The following PHACTR2 variants were observed in gnomAD, a reference collection of about 807,000 sequenced individuals.
The protein encoded by PHACTR2 is phosphatase and actin regulator 2.
A neutral mutation model predicts 76.0 loss-of-function variants in PHACTR2; 30 were observed. The observed-to-expected ratio is 0.39, with a 90% CI of 0.30 to 0.54. PHACTR2 has a LOEUF of 0.54. Among genes scored for constraint, PHACTR2 ranks in the 20% least tolerant of loss-of-function variants. The pLI, the probability that PHACTR2 is intolerant of heterozygous loss-of-function variation, is 0.61. For synonymous variants in PHACTR2, 292 were observed against 292.5 expected (o/e 1.00, Z 0.02); for missense variants, 696 against 781.1 (o/e 0.89, Z 1.30).
intron 2 of PHACTR2, among the ~76,000 whole-genome samples, chr6:143,729,820 T>A (rs534409589): frequency 2.0e-5 from 3 of 152,276 alleles, no homozygotes; most frequent in African/African-American, 7.2e-5. Flanking sequence ...TTCCATTCTT[T>A]AACAGTGTCT....
intron 1 of PHACTR2, among the ~76,000 whole-genome samples, chr6:143,563,231 G>T (rs1053323128): frequency 5.9e-5 from 9 of 152,094 alleles, no homozygotes; most frequent in African/African-American, 2.2e-4. Context: ...TAGTTCAAAA[G>T]TATGTAAACC....
At position 143,665,563 on chromosome 6, in the gene PHACTR2, C is replaced by T. The variant is rs189614153; in HGVS notation, c.14-46453C>T. Among the ~76,000 whole-genome samples, 142 of 152,256 alleles carry T rather than the reference C, an allele frequency of 9.3e-4. 1 individual carries two copies. The highest frequency in any genetic ancestry group is 3.2e-3 in the African/African-American group (131 of 41,544). On this transcript the variant is annotated intron_variant, in intron 1 of 11. Coordinates refer to the PHACTR2 transcript ENST00000305766. ...GAAAAAAATTTTGAAGTCTTCCTTC[C>T]ATCATCTTTTGTCTCCCACACCCCA... is the stretch of plus-strand genomic sequence containing the variant.
In PHACTR2 at chr6:143,826,945, A is replaced by G. The variant is rs1434480597; in HGVS notation, c.*3256A>G. The stretch of plus-strand genomic sequence containing the variant: ...AGTAGCATAATGAGAGTAGTCCTTT[A>G]TCTTTCTCTAATGTTAGTAAATATA... On this transcript the variant is annotated 3_prime_UTR_variant, in exon 13 of 13. Coordinates refer to ENST00000440869, the MANE Select transcript of PHACTR2 (RefSeq NM_001100164.2). The G allele has an allele frequency of 6.6e-6, 1 of 151,724 alleles. No individual in the cohort carries two copies. Among genetic ancestry groups the G allele is most frequent in the Non-Finnish European group, 1.5e-5 (1 of 67,924 alleles). 9.4% of individuals were successfully genotyped at this position (151,724 alleles called of 1,614,324 possible). A position where few individuals can be genotyped will look rare whatever the true frequency, so the allele number is the denominator to read the frequency against.
intron 1 of PHACTR2, among the ~76,000 whole-genome samples, chr6:143,555,715 G>A (rs1775164232): frequency 6.6e-6 from 1 of 151,946 alleles, no homozygotes; most frequent in South Asian, 2.1e-4. Context: ...TAATCACACA[G>A]TAGCCCCAGC....
rs1320562822 is a variant in PHACTR2 at position 143,750,723 on chromosome 6, T to A, written c.295+1658T>A. Among the ~76,000 whole-genome samples the A allele has an allele frequency of 6.6e-6, 1 of 152,236 alleles. No homozygotes were observed. Among genetic ancestry groups the A allele is most frequent in the Non-Finnish European group, 1.5e-5 (1 of 68,038 alleles). On this transcript the variant is annotated intron_variant, in intron 3 of 12. Transcript: ENST00000440869. This position sits in a 1 kb window ranked among gnomAD's most constrained non-coding sequence, Gnocchi z 4.6. The stretch of plus-strand genomic sequence containing the variant: ...TATTTGCCTCATAGATTATAATTTC[T>A]TGGGCCAACATATACTTCTCAGAAA...
chr6:143,588,840 CAG>C (rs748392787), intron 1 of PHACTR2, among the ~76,000 whole-genome samples: 1 of 152,106 alleles, frequency 6.6e-6, no homozygotes, highest in Non-Finnish European at 1.5e-5. Flanking sequence ...AATTTGAAAA[CAG>C]ATGAAATGTA....
In PHACTR2 at chr6:143,698,389, G is replaced by A. The variant is rs1393577765; in HGVS notation, c.47-13627G>A. On this transcript the variant is annotated intron_variant, in intron 1 of 12. Coordinates refer to ENST00000440869, the MANE Select transcript of PHACTR2 (RefSeq NM_001100164.2). The surrounding 1 kb of genome is among the most constrained non-coding windows in gnomAD (Gnocchi z 4.3). ...ATTATTTTTTTAAAAAGCAACTAGT[G>A]GAATTGTTTCTCTCAAGAGAATTAG... Among the ~76,000 whole-genome samples, 1 of 152,188 alleles carries A rather than the reference G, an allele frequency of 6.6e-6. No individual in the cohort carries two copies. Among genetic ancestry groups the A allele is most frequent in the Non-Finnish European group, 1.5e-5 (1 of 68,026 alleles).
chr6:143,773,140 G>A (rs1465299435), intron 7 of PHACTR2, among the ~76,000 whole-genome samples: 1 of 152,092 alleles, frequency 6.6e-6, no homozygotes, highest in Admixed American at 6.6e-5. Flanking sequence ...TTGAACCCAG[G>A]AGGCAGAAGT....
chr6:143,779,112 T>C (rs1415653222), intron 9 of PHACTR2, among the ~76,000 whole-genome samples: 1 of 152,174 alleles, frequency 6.6e-6, no homozygotes, highest in African/African-American at 2.4e-5. Flanking sequence ...CCCACTATTG[T>C]ACAGCCAAGG....
rs887258836 is a variant in PHACTR2 at position 143,787,933 on chromosome 6, C to G, written c.1708-840C>G. On this transcript the variant is annotated intron_variant, in intron 10 of 12. Transcript: ENST00000440869. This position sits in a 1 kb window ranked among gnomAD's most constrained non-coding sequence, Gnocchi z 4.6. ...GTGATACCACCCAACTAAGAAAGAC[C>G]AAAATGGGAGTGAACCTCCGTAGCA... is the stretch of plus-strand genomic sequence containing the variant. Among the ~76,000 whole-genome samples the G allele has an allele frequency of 2.0e-5, 3 of 152,104 alleles. No homozygotes were observed. Among genetic ancestry groups the G allele is most frequent in the Admixed American group, 2.0e-4 (3 of 15,270 alleles).
rs977938074 is a variant in PHACTR2, at chr6:143,598,076, G to A, written c.217+60869G>A. The stretch of plus-strand genomic sequence containing the variant: ...TAAGACAGTGATGATATAGTAGGTC[G>A]AAGAATGCCCCCCGCGCCCCCAAAA... On this transcript the variant is annotated intron_variant, in intron 1 of 11. Transcript: ENST00000367584. The surrounding 1 kb of genome is among the most constrained non-coding windows in gnomAD (Gnocchi z 4.1). Among the ~76,000 whole-genome samples the A allele has an allele frequency of 1.3e-4, 20 of 152,082 alleles. No individual in the cohort carries two copies. The highest frequency in any genetic ancestry group is 3.6e-4 in the African/African-American group (15 of 41,382).
chr6:143,794,121 C>G lies in PHACTR2; in HGVS notation c.1845+5211C>G, dbSNP rs1170754110. On this transcript the variant is annotated intron_variant, in intron 11 of 12. Coordinates refer to ENST00000440869, the MANE Select transcript of PHACTR2 (RefSeq NM_001100164.2). The surrounding 1 kb of genome is among the most constrained non-coding windows in gnomAD (Gnocchi z 4.1). ...TAATAATTTCTAAAAATACCATTTACTACCTAACACTGAAAAAAATTGTTC... is the reference window on the plus strand; with the variant it reads ...TAATAATTTCTAAAAATACCATTTAGTACCTAACACTGAAAAAAATTGTTC... Among the ~76,000 whole-genome samples the G allele has an allele frequency of 6.6e-6, 1 of 151,744 alleles. No homozygotes were observed. The highest frequency in any genetic ancestry group is 2.4e-5 in the African/African-American group (1 of 41,386).
rs556807783 is a variant in PHACTR2 at position 143,558,302 on chromosome 6, G to A, written c.217+21095G>A. ...AAATAATATTGTGGTTGTGTTTTAA[G>A]AAAGAGTTTTCCCCTATTTACATGT... On this transcript the variant is annotated intron_variant, in intron 1 of 11. Transcript: ENST00000367584. The surrounding 1 kb of genome is among the most constrained non-coding windows in gnomAD (Gnocchi z 4.7). 6.6e-6 allele frequency among the ~76,000 whole-genome samples: 1 copy of A among 152,158 alleles called. No homozygotes were observed. Among genetic ancestry groups the A allele is most frequent in the East Asian group, 2.0e-4 (1 of 5,104 alleles).
rs190384295 is a variant in PHACTR2 at position 143,666,530 on chromosome 6, C to T, written c.14-45486C>T. 2.1e-3 allele frequency among the ~76,000 whole-genome samples: 322 copies of T among 152,312 alleles called. 5 individuals carry two copies. The highest frequency in any genetic ancestry group is 1.5e-3 in the Non-Finnish European group (101 of 68,024). ...GCATTCCCATGTTTCCACAACCTCT[C>T]CAGCATCAGTTGTTTCCTGACTTTT... On this transcript the variant is annotated intron_variant, in intron 1 of 11. Coordinates refer to the PHACTR2 transcript ENST00000305766.
Position 143,742,677 on chromosome 6 carries a change from G to A in PHACTR2, c.215-6308G>A, listed in dbSNP as rs1697638083. Among the ~76,000 whole-genome samples the A allele has an allele frequency of 6.6e-6, 1 of 152,152 alleles. No individual in the cohort carries two copies. Among genetic ancestry groups the A allele is most frequent in the South Asian group, 2.1e-4 (1 of 4,830 alleles). On this transcript the variant is annotated intron_variant, in intron 2 of 12. Transcript: ENST00000440869. The surrounding 1 kb of genome is among the most constrained non-coding windows in gnomAD (Gnocchi z 4.5). ...CTTCCCAAAGGAAAAATGTCAGGAA[G>A]GCCATTTCTAAAAGAAGTAGAAGAG...
At position 143,780,989 on chromosome 6, in the gene PHACTR2, A is replaced by T. The variant is rs939181078; in HGVS notation, c.1646-2230A>T. Among the ~76,000 whole-genome samples, 1 of 152,236 alleles carries T rather than the reference A, an allele frequency of 6.6e-6. No homozygotes were observed. Among genetic ancestry groups the T allele is most frequent in the Non-Finnish European group, 1.5e-5 (1 of 68,036 alleles). On this transcript the variant is annotated intron_variant, in intron 9 of 12. Coordinates refer to ENST00000440869, the MANE Select transcript of PHACTR2 (RefSeq NM_001100164.2). The surrounding 1 kb of genome is among the most constrained non-coding windows in gnomAD (Gnocchi z 4.4). ...GATTTTACAATGACTGTTTAATAAG[A>T]TTCAGAGAAGCTGTCATGGTAGCTC...
At position 143,698,610 on chromosome 6, in the gene PHACTR2, A is replaced by G. The variant is rs969540056; in HGVS notation, c.47-13406A>G. Among the ~76,000 whole-genome samples, 1 of 152,160 alleles carries G rather than the reference A, an allele frequency of 6.6e-6. No homozygotes were observed. Among genetic ancestry groups the G allele is most frequent in the Non-Finnish European group, 1.5e-5 (1 of 68,026 alleles). On this transcript the variant is annotated intron_variant, in intron 1 of 12. Coordinates refer to ENST00000440869, the MANE Select transcript of PHACTR2 (RefSeq NM_001100164.2). The surrounding 1 kb of genome is among the most constrained non-coding windows in gnomAD (Gnocchi z 4.3). ...ATCTTGTGCTATGTCTGCCGTGGGA[A>G]CTAATGCCACAGTACCACCGTGTGA... is the stretch of plus-strand genomic sequence containing the variant.
chr6:143,790,931 C>T (rs888084336), intron 11 of PHACTR2, among the ~76,000 whole-genome samples: 3 of 152,182 alleles, frequency 2.0e-5, no homozygotes, highest in Non-Finnish European at 2.9e-5. Flanking sequence ...CCCGCCTCGG[C>T]CTCCCAAAGT....
chr6:143,744,888 CA>C lies in PHACTR2; in HGVS notation c.215-4093del, dbSNP rs373050238. Among the ~76,000 whole-genome samples, 362 of 152,224 alleles carry C rather than the reference CA, an allele frequency of 2.4e-3. 2 individuals carry two copies. The highest frequency in any genetic ancestry group is 8.5e-3 in the African/African-American group (351 of 41,522). On this transcript the variant is annotated intron_variant, in intron 2 of 12. Transcript: ENST00000440869. ...GCTGCTGTTATCAGAATTGAACTGT[CA>C]AAACATCAATTAGCCCAATGCAGAG...
Sources: gnomAD v4.1 joint callset for allele counts (sites outside exome capture counted in the v4.1 genomes callset) on GRCh38, gnomAD v4.1.1 for gene constraint, Gnocchi (gnomAD v3.1) non-coding constraint, MANE v1.5 for transcripts, NCBI Gene and HGNC (gene_info 2026-07-23, HGNC 2026-07-21) for gene names.